STK32A: variants seen among roughly 807,000 people sequenced by gnomAD.
The protein encoded by STK32A is serine/threonine kinase 32A, also known as serine/threonine-protein kinase 32A.
A neutral mutation model predicts 53.2 loss-of-function variants in STK32A; 41 were observed. The ratio of observed to expected loss-of-function variants is 0.77; its 90% CI spans 0.60 to 1.00. The LOEUF is 1.00. Ranked by LOEUF, STK32A falls within the 50% of genes least tolerant of loss-of-function variation. STK32A has a pLI of 0.00. For synonymous variants in STK32A, 166 were observed against 162.8 expected, an observed-to-expected ratio of 1.02 and a Z score of -0.15; for missense variants, 458 against 485.8, an observed-to-expected ratio of 0.94 and a Z score of 0.54.
At chr5:147,279,523 A>C in intron 4 of STK32A, 125 bp downstream of exon 4, 1 of 806,282 alleles carries the variant, frequency 1.2e-6, no homozygotes, top group Non-Finnish European at 1.9e-6. Context: ...AATTGCAAGA[A>C]AGAGTTCAAG....
chr5:147,315,806 A>T (rs1468420683), intron 4 of STK32A, among the ~76,000 whole-genome samples: 1 of 152,202 alleles, frequency 6.6e-6, no homozygotes, highest in Non-Finnish European at 1.5e-5. Context: ...GAAGACAGGG[A>T]TAACAGCACG....
At position 147,387,101 on chromosome 5, in the gene STK32A, G is replaced by A. The variant is rs1757692604; in HGVS notation, c.*3118G>A. 6.6e-6 allele frequency: 1 copy of A among 152,234 alleles called. No individual in the cohort carries two copies. Among genetic ancestry groups the A allele is most frequent in the South Asian group, 2.1e-4 (1 of 4,830 alleles). 9.4% of individuals were successfully genotyped at this position (152,234 alleles called of 1,614,324 possible). The stretch of plus-strand genomic sequence containing the variant: ...CCTGTATGGAGCATCTGCAAAGTCT[G>A]AGCAGGTTTTGAAGTCCAAGAGCAT... On this transcript the variant is annotated 3_prime_UTR_variant, in exon 13 of 13. Transcript: ENST00000397936.
At chr5:147,378,186 A>G (rs1283022422) in intron 11 of STK32A, among the ~76,000 whole-genome samples, 1 of 152,082 alleles carries the variant, frequency 6.6e-6, no homozygotes, top group Non-Finnish European at 1.5e-5. Flanking sequence ...CTATGGTTAG[A>G]TACACAAAGT....
intron 4 of STK32A, among the ~76,000 whole-genome samples, chr5:147,291,073 A>G (rs563906447): frequency 6.6e-6 from 1 of 152,196 alleles, no homozygotes; most frequent in Non-Finnish European, 1.5e-5. Flanking sequence ...GTCCTTGAGC[A>G]TGGGTTTGAG....
chr5:147,338,040 CAAG>C (rs915937209), intron 5 of STK32A, among the ~76,000 whole-genome samples: 1 of 151,964 alleles, frequency 6.6e-6, no homozygotes, highest in Non-Finnish European at 1.5e-5. Context: ...CTGAAGTCAC[CAAG>C]AATAATAAAT....
the STK32A span, chr5:147,393,085 T>C: frequency 2.6e-5 from 4 of 152,202 alleles, no homozygotes; most frequent in Non-Finnish European, 5.9e-5. Context: ...GCCAGAAGCA[T>C]GCCACTCTTC....
intron 9 of STK32A, 84 bp downstream of exon 9, chr5:147,370,854 T>C (rs759702466): frequency 1.7e-4 from 148 of 851,090 alleles, no homozygotes; most frequent in African/African-American, 4.4e-4. Context: ...GTATACAATA[T>C]TGGGGACAGT....
chr5:147,317,039 A>C (rs1754029580), intron 4 of STK32A, among the ~76,000 whole-genome samples: 1 of 151,910 alleles, frequency 6.6e-6, no homozygotes, highest in Admixed American at 6.6e-5. Flanking sequence ...TTTTGCATCA[A>C]GACAACAATA....
intron 2 of STK32A, among the ~76,000 whole-genome samples, chr5:147,271,031 T>C (rs1385632312): frequency 1.3e-5 from 2 of 151,818 alleles, no homozygotes; most frequent in Non-Finnish European, 2.9e-5. Flanking sequence ...TGTCTTGCTC[T>C]GTCACCCAGG....
At chr5:147,244,014 T>G (rs4705028) in intron 2 of STK32A, among the ~76,000 whole-genome samples, 62,409 of 151,948 alleles carry the variant, frequency 0.41, 12,947 homozygotes, top group Admixed American at 0.45. Flanking sequence ...ATTGAAACTT[T>G]GTACCTCTGA....
chr5:147,256,009 G>A (rs1754219273), intron 2 of STK32A, among the ~76,000 whole-genome samples: 1 of 152,100 alleles, frequency 6.6e-6, no homozygotes, highest in Non-Finnish European at 1.5e-5. Flanking sequence ...GAAATGTCAG[G>A]GTGAAAGGGA....
rs537447338 is a variant in STK32A, at chr5:147,274,562, G to A, written c.53-3562G>A. ...ATGAAAACCCCAAATGTATTGAAAT[G>A]ATGCTGATTCCATTTACCTCCATAT... On this transcript the variant is annotated intron_variant, in intron 2 of 12. Coordinates refer to ENST00000397936, the MANE Select transcript of STK32A (RefSeq NM_001112724.2). Among the ~76,000 whole-genome samples the A allele has an allele frequency of 2.0e-5, 3 of 152,328 alleles. No homozygotes were observed. The South Asian group carries it at 6.2e-4, about 32-fold the overall frequency.
intron 2 of STK32A, among the ~76,000 whole-genome samples, chr5:147,255,046 G>A (rs1353058166): frequency 6.6e-6 from 1 of 152,084 alleles, no homozygotes; most frequent in Non-Finnish European, 1.5e-5. Context: ...AGGCTGAGGC[G>A]GGAGAATGGC....
intron 4 of STK32A, among the ~76,000 whole-genome samples, chr5:147,314,498 C>CAAAAAAA (rs1171767950): frequency 3.8e-4 from 4 of 10,620 alleles, no homozygotes; most frequent in African/African-American, 2.6e-3. Flanking sequence ...AACTCCATAT[C>CAAAAAAA]AAAAAAAACA....
chr5:147,314,830 A>C (rs1753912307), intron 4 of STK32A, among the ~76,000 whole-genome samples: 1 of 150,548 alleles, frequency 6.6e-6, no homozygotes. Flanking sequence ...CTGCAGCCTC[A>C]ACATCCTGGG....
At chr5:147,362,641 A>G (rs1316317725) in intron 8 of STK32A, among the ~76,000 whole-genome samples, 1 of 152,204 alleles carries the variant, frequency 6.6e-6, no homozygotes, top group East Asian at 1.9e-4. Flanking sequence ...CATACATTCA[A>G]CAGTCCCAAA....
intron 4 of STK32A, among the ~76,000 whole-genome samples, chr5:147,305,012 C>G (rs2151967942): frequency 6.6e-6 from 1 of 151,878 alleles, no homozygotes; most frequent in African/African-American, 2.4e-5. Context: ...GTGGGAGGAT[C>G]CCTTGGGCCA....
At chr5:147,400,926 TCTGA>T in the STK32A span, 1 of 1,482,334 alleles carries the variant, frequency 6.7e-7, no homozygotes, top group Non-Finnish European at 9.0e-7. Context: ...GGGTTTGCAC[TCTGA>T]CTATTTGGGT....
At chr5:147,388,097 G>A (rs1473273787), downstream of STK32A, among the ~76,000 whole-genome samples, 1 of 152,142 alleles carries the variant, frequency 6.6e-6, no homozygotes, top group Non-Finnish European at 1.5e-5. Flanking sequence ...TCTAGTAGTC[G>A]CATTTCAGGG....
Sources: allele counts gnomAD v4.1 joint callset (sites outside exome capture counted in the v4.1 genomes callset), GRCh38; gene constraint gnomAD v4.1.1; transcripts MANE v1.5; gene names NCBI Gene and HGNC (gene_info 2026-07-23, HGNC 2026-07-21).